The following KPNA7 variants were observed in gnomAD, a reference collection of about 807,000 sequenced individuals.
KPNA7 encodes the protein karyopherin subunit alpha 7, also known as importin subunit alpha-8.
A neutral mutation model predicts 53.7 loss-of-function variants in KPNA7; 54 were observed. The observed-to-expected ratio is 1.01, with a 90% CI of 0.81 to 1.26. KPNA7 has a LOEUF of 1.26. KPNA7 is among the 50% of genes most tolerant of loss of function. The pLI, the probability that KPNA7 is intolerant of heterozygous loss-of-function variation, is 0.00. For missense variants in KPNA7, 640 were observed against 644.5 expected (o/e 0.99, Z 0.07); for synonymous variants, 276 against 259.3 (o/e 1.06, Z -0.62).
At chr7:99,218,036 G>A (rs923343340) in intron 1 of KPNA7, among the ~76,000 whole-genome samples, 1 of 151,950 alleles carries the variant, frequency 6.6e-6, no homozygotes, top group Non-Finnish European at 1.5e-5. Context: ...GGGCCAGAGG[G>A]GCTGCAGGCC....
At chr7:99,216,616 C>T (rs922370736) in intron 1 of KPNA7, among the ~76,000 whole-genome samples, 1 of 152,076 alleles carries the variant, frequency 6.6e-6, no homozygotes, top group African/African-American at 2.4e-5. Context: ...GGCTAGAATG[C>T]AGTGGCGTGA....
intron 10 of KPNA7, 89 bp downstream of exon 10, chr7:99,177,806 CCACCTGCCCAGTCACCTGCCACACG>C: frequency 9.4e-7 from 1 of 1,067,370 alleles, no homozygotes; most frequent in Non-Finnish European, 1.3e-6. Flanking sequence ...GGAGTGAAGA[CCACCTGCCCAGTCACCTGCCACACG>C]CAACAGCCCA....
intron 5 of KPNA7, 142 bp downstream of exon 5, chr7:99,194,928 C>T (rs1790148701): frequency 9.5e-7 from 1 of 1,052,220 alleles, no homozygotes. Context: ...GGAAACAGCT[C>T]ATTGTACCCT....
the KPNA7 span, among the ~76,000 whole-genome samples, chr7:99,155,609 G>T: frequency 6.6e-6 from 1 of 152,080 alleles, no homozygotes; most frequent in South Asian, 2.1e-4. Context: ...TGCCCAGGCT[G>T]GAGTGCAGTG....
At chr7:99,168,548 TC>T in the KPNA7 span, among the ~76,000 whole-genome samples, 1 of 152,156 alleles carries the variant, frequency 6.6e-6, no homozygotes, top group Non-Finnish European at 1.5e-5. Flanking sequence ...TCTGGCTCTG[TC>T]CCCCAGGCTG....
chr7:99,146,511 C>T, the KPNA7 span, among the ~76,000 whole-genome samples: 4 of 151,978 alleles, frequency 2.6e-5, no homozygotes, highest in South Asian at 2.1e-4. Flanking sequence ...AGCAGGAGTT[C>T]GAGACCAGCC....
chr7:99,218,705 G>C (rs1383516410), intron 1 of KPNA7, among the ~76,000 whole-genome samples: 4 of 152,196 alleles, frequency 2.6e-5, no homozygotes, highest in African/African-American at 9.7e-5. Context: ...AACAGCCTAG[G>C]CCTTCTCCAA....
chr7:99,197,082 T>C (rs1311795254), intron 3 of KPNA7, among the ~76,000 whole-genome samples: 1 of 152,300 alleles, frequency 6.6e-6, no homozygotes, highest in East Asian at 1.9e-4. Flanking sequence ...TCCCTCTCAC[T>C]GACTTTGAAG....
At chr7:99,168,248 C>A in the KPNA7 span, among the ~76,000 whole-genome samples, 1 of 152,198 alleles carries the variant, frequency 6.6e-6, no homozygotes, top group African/African-American at 2.4e-5. Context: ...GCTGGTTAAA[C>A]ACATTGATAC....
At chr7:99,218,429 G>A (rs1170562081) in intron 1 of KPNA7, among the ~76,000 whole-genome samples, 1 of 152,156 alleles carries the variant, frequency 6.6e-6, no homozygotes, top group Non-Finnish European at 1.5e-5. Context: ...TTCCTGAGAG[G>A]GGGCTGAATC....
At position 99,208,093 on chromosome 7, in the gene KPNA7, T is replaced by C. The variant is rs1047915879; in HGVS notation, c.-89A>G. On this transcript the variant is annotated 5_prime_UTR_variant, in exon 1 of 11. Transcript: ENST00000327442. ...TCCTATTTCTGCAAGACCTGCTTGTTGGCATCAGAGTCTCACTCTGTCACC... is the reference window on the plus strand; with the variant it reads ...TCCTATTTCTGCAAGACCTGCTTGTCGGCATCAGAGTCTCACTCTGTCACC... Among the ~76,000 whole-genome samples, 1 of 152,016 alleles carries C rather than the reference T, an allele frequency of 6.6e-6. No homozygotes were observed. The highest frequency in any genetic ancestry group is 1.5e-5 in the Non-Finnish European group (1 of 68,008).
chr7:99,184,155 T>C (rs1223009555), intron 8 of KPNA7, among the ~76,000 whole-genome samples: 3 of 1,078 alleles, frequency 2.8e-3, no homozygotes, highest in African/African-American at 2.4e-3. Context: ...GCCCACAACC[T>C]TTTTTTTTTT....
chr7:99,157,941 AT>A, the KPNA7 span, among the ~76,000 whole-genome samples: 1,777 of 150,378 alleles, frequency 0.012, 34 homozygotes, highest in African/African-American at 0.042. Flanking sequence ...CACCTGGCTA[AT>A]TTTTTTTTGA....
chr7:99,190,717 G>A (rs1422074754), intron 6 of KPNA7, among the ~76,000 whole-genome samples: 2 of 151,028 alleles, frequency 1.3e-5, no homozygotes, highest in African/African-American at 4.9e-5. Flanking sequence ...GTGCAGTGGT[G>A]CAATCACAGC....
intron 6 of KPNA7, among the ~76,000 whole-genome samples, chr7:99,189,183 C>T (rs566397876): frequency 6.6e-6 from 1 of 152,282 alleles, no homozygotes; most frequent in African/African-American, 2.4e-5. Context: ...TTGGTCTTCC[C>T]ACTGGTCTAA....
At chr7:99,202,409 G>A (rs912370935) in intron 3 of KPNA7, among the ~76,000 whole-genome samples, 1 of 152,142 alleles carries the variant, frequency 6.6e-6, no homozygotes, top group Non-Finnish European at 1.5e-5. Flanking sequence ...GATGGAGAAG[G>A]GAAGACAGGA....
chr7:99,170,166 G>A (rs1584251334), downstream of KPNA7, among the ~76,000 whole-genome samples: 2 of 152,272 alleles, frequency 1.3e-5, no homozygotes, highest in African/African-American at 4.8e-5. Flanking sequence ...TCTATTACAA[G>A]CAGAGATCCA....
chr7:99,178,168 A>C (rs888409385), intron 9 of KPNA7, 102 bp from the exon 10 acceptor site: 45 of 978,282 alleles, frequency 4.6e-5, no homozygotes, highest in Non-Finnish European at 6.6e-5. Context: ...GAAGCAGACC[A>C]AAGGCTACCA....
intron 1 of KPNA7, among the ~76,000 whole-genome samples, chr7:99,216,275 C>T (rs898114712): frequency 6.6e-6 from 1 of 152,146 alleles, no homozygotes; most frequent in African/African-American, 2.4e-5. Flanking sequence ...GTGATCCTCC[C>T]ACTTCAGCCT....
Sources: allele counts gnomAD v4.1 joint callset (sites outside exome capture counted in the v4.1 genomes callset), GRCh38; gene constraint gnomAD v4.1.1; transcripts MANE v1.5; gene names NCBI Gene and HGNC (gene_info 2026-07-23, HGNC 2026-07-21).